Variants in ABLIM1 observed in about 807,000 individuals in gnomAD.
The protein encoded by ABLIM1 is actin binding LIM protein 1.
ABLIM1 carries 40 observed loss-of-function variants against 107.0 expected under a neutral mutation model. The observed-to-expected ratio is 0.37, with a 90% confidence interval of 0.29 to 0.49. The LOEUF is 0.49. Among genes scored for constraint, ABLIM1 ranks in the 20% least tolerant of loss-of-function variants. The pLI is 0.97. For missense variants in ABLIM1, 857 were observed against 1,008.5 expected, an observed-to-expected ratio of 0.85 and a Z score of 2.04; for synonymous variants, 357 against 357.3, an observed-to-expected ratio of 1.00 and a Z score of 0.01.
intron 9 of ABLIM1, among the ~76,000 whole-genome samples, chr10:114,473,571 T>C (rs886641384): frequency 6.7e-6 from 1 of 150,080 alleles, no homozygotes. Flanking sequence ...TCCCCAAATA[T>C]CTATATGCAA....
chr10:114,450,907 T>C (rs1290184930), intron 14 of ABLIM1, among the ~76,000 whole-genome samples: 1 of 152,174 alleles, frequency 6.6e-6, no homozygotes, highest in Non-Finnish European at 1.5e-5. Flanking sequence ...AGAGACTTAA[T>C]AATGGTGGAG....
intron 1 of ABLIM1, among the ~76,000 whole-genome samples, chr10:114,728,393 A>G (rs558782283): frequency 1.0e-3 from 151 of 150,036 alleles, no homozygotes; most frequent in African/African-American, 3.6e-3. Context: ...AGGAAGACAC[A>G]TGTAAGCATG....
At chr10:114,515,412 T>C (rs2062655339) in intron 6 of ABLIM1, among the ~76,000 whole-genome samples, 2 of 152,178 alleles carry the variant, frequency 1.3e-5, no homozygotes, top group Non-Finnish European at 2.9e-5. Context: ...AAGAGCCCTT[T>C]CCACCATGGT....
At chr10:114,678,410 G>A (rs939244433) in intron 1 of ABLIM1, among the ~76,000 whole-genome samples, 1 of 152,118 alleles carries the variant, frequency 6.6e-6, no homozygotes, top group African/African-American at 2.4e-5. Flanking sequence ...TATCGCCTTT[G>A]AAACCACGGA....
intron 2 of ABLIM1, among the ~76,000 whole-genome samples, chr10:114,591,133 T>C (rs2074822245): frequency 6.6e-6 from 1 of 152,194 alleles, no homozygotes; most frequent in South Asian, 2.1e-4. Context: ...GTTTTTCTAC[T>C]TCTCAATAGA....
intron 6 of ABLIM1, among the ~76,000 whole-genome samples, chr10:114,508,638 A>G (rs888274476): frequency 4.6e-5 from 7 of 152,200 alleles, no homozygotes; most frequent in Non-Finnish European, 7.4e-5. Context: ...GCAATGAGCC[A>G]TGATCTCTCC....
chr10:114,569,933 A>G (rs982547861), intron 4 of ABLIM1, among the ~76,000 whole-genome samples: 1 of 152,158 alleles, frequency 6.6e-6, no homozygotes, highest in Non-Finnish European at 1.5e-5. Flanking sequence ...TTTCCTCCCA[A>G]TGGTCAAAAA....
chr10:114,750,236 T>C (rs1048816402), intron 1 of ABLIM1, among the ~76,000 whole-genome samples: 16 of 152,232 alleles, frequency 1.1e-4, no homozygotes, highest in Non-Finnish European at 2.4e-4. Flanking sequence ...TCCACAAATA[T>C]TGTTCCCTAA....
chr10:114,690,946 T>C (rs116581576), intron 1 of ABLIM1, among the ~76,000 whole-genome samples: 1,921 of 152,354 alleles, frequency 0.013, 34 homozygotes, highest in African/African-American at 0.042. Flanking sequence ...TCTCTCAAAG[T>C]ACTGCAATTA....
intron 1 of ABLIM1, among the ~76,000 whole-genome samples, chr10:114,704,273 T>TCA (rs1591851050): frequency 4.5e-5 from 1 of 22,008 alleles, no homozygotes; most frequent in East Asian, 7.0e-4. Context: ...TCTCTCTCGC[T>TCA]CTCTCTCTCT....
At chr10:114,472,812 A>C (rs12261977) in intron 10 of ABLIM1, among the ~76,000 whole-genome samples, 165 bp downstream of exon 10, 7 of 150,230 alleles carry the variant, frequency 4.7e-5, no homozygotes, top group Non-Finnish European at 7.4e-5. Flanking sequence ...CCCACTTCTC[A>C]TGATGGGCTT....
chr10:114,504,778 A>G (rs900523551), intron 6 of ABLIM1, among the ~76,000 whole-genome samples: 1 of 152,188 alleles, frequency 6.6e-6, no homozygotes, highest in African/African-American at 2.4e-5. Flanking sequence ...AGCTGTTTAT[A>G]TGCCCCAATG....
At chr10:114,511,089 G>A (rs2136008873) in intron 6 of ABLIM1, among the ~76,000 whole-genome samples, 1 of 152,108 alleles carries the variant, frequency 6.6e-6, no homozygotes. Flanking sequence ...TTCCATTAAG[G>A]TAGGGGTTGT....
At chr10:114,795,613 G>T in the ABLIM1 span, among the ~76,000 whole-genome samples, 4 of 151,996 alleles carry the variant, frequency 2.6e-5, no homozygotes, top group African/African-American at 9.7e-5. Context: ...GGAGGCTGAG[G>T]CAGGAGAATT....
intron 1 of ABLIM1, among the ~76,000 whole-genome samples, chr10:114,643,556 T>C (rs1214561181): frequency 6.6e-6 from 1 of 152,038 alleles, no homozygotes; most frequent in African/African-American, 2.4e-5. Flanking sequence ...TAGCTTTAAC[T>C]TTTTACTGAT....
At chr10:114,574,623 G>T (rs1025636385) in intron 3 of ABLIM1, among the ~76,000 whole-genome samples, 7 of 151,984 alleles carry the variant, frequency 4.6e-5, no homozygotes, top group Non-Finnish European at 7.4e-5. Flanking sequence ...TGTATTTTTA[G>T]TAGAGACAGG....
Position 114,606,863 on chromosome 10 carries a change from C to T in ABLIM1, c.245-4902G>A, listed in dbSNP as rs141636875. Among the ~76,000 whole-genome samples, 576 of 152,328 alleles carry T rather than the reference C, an allele frequency of 3.8e-3. 2 individuals carry two copies. Among genetic ancestry groups the T allele is most frequent in the African/African-American group, 0.013 (535 of 41,566 alleles). On this transcript the variant is annotated intron_variant, in intron 1 of 22. Transcript: ENST00000533213. ...ATAAAGAGTTGGCAGTCACCTAGTG[C>T]AGTGACTTCTAATCCAGACCTCTTT... is the stretch of plus-strand genomic sequence containing the variant.
the ABLIM1 span, among the ~76,000 whole-genome samples, chr10:114,799,212 A>T: frequency 0.71 from 107,102 of 151,454 alleles, 37,926 homozygotes; most frequent in Non-Finnish European, 0.72. Flanking sequence ...CATCTCTGCC[A>T]ATTCCCAGCC....
chr10:114,508,136 C>T (rs2061400220), intron 6 of ABLIM1, among the ~76,000 whole-genome samples: 1 of 152,198 alleles, frequency 6.6e-6, no homozygotes, highest in African/African-American at 2.4e-5. Context: ...TGTTGCATTT[C>T]ATGACATTAC....
Sources: allele counts gnomAD v4.1 joint callset (sites outside exome capture counted in the v4.1 genomes callset), GRCh38; gene constraint gnomAD v4.1.1; transcripts MANE v1.5; gene names NCBI Gene and HGNC (gene_info 2026-07-23, HGNC 2026-07-21).